Variants in PPM1L observed in about 807,000 individuals in gnomAD.
The protein encoded by PPM1L is protein phosphatase 1L.
A neutral mutation model predicts 31.4 loss-of-function variants in PPM1L; 13 were observed. The observed-to-expected ratio is 0.41, with a 90% CI of 0.27 to 0.66. PPM1L has a LOEUF of 0.66. PPM1L is among the 30% of genes least tolerant of loss of function. PPM1L has a pLI of 0.29. For synonymous variants in PPM1L, 184 were observed against 175.4 expected (o/e 1.05, Z -0.39); for missense variants, 326 against 453.7 (o/e 0.72, Z 2.56).
intron 1 of PPM1L, among the ~76,000 whole-genome samples, chr3:160,862,465 A>G (rs1248046883): frequency 3.3e-5 from 5 of 152,180 alleles, no homozygotes; most frequent in Non-Finnish European, 7.3e-5. Flanking sequence ...AGGAAAATCA[A>G]GGAGGTGCTG....
rs576855365 is a variant in PPM1L at position 161,012,488 on chromosome 3, TTG to T, written c.574+50582_574+50583del. Among the ~76,000 whole-genome samples the T allele has an allele frequency of 8.5e-4, 129 of 152,038 alleles. 2 individuals are homozygous for T. The South Asian group carries it at 0.024, about 28-fold the overall frequency. The stretch of plus-strand genomic sequence containing the variant: ...ATTGGTCTAAAATTCTCTTTTTTGG[TTG>T]TGTCTCTGCCCGGCTTTGGTATCAG... On this transcript the variant is annotated intron_variant, in intron 2 of 3. Transcript: ENST00000498165.
chr3:160,841,021 G>C (rs1265323931), intron 1 of PPM1L, among the ~76,000 whole-genome samples: 1 of 152,110 alleles, frequency 6.6e-6, no homozygotes, highest in Non-Finnish European at 1.5e-5. Context: ...CCTTAATCTA[G>C]TCAAGTTGAC....
At chr3:160,997,496 T>G (rs1472666070) in intron 2 of PPM1L, among the ~76,000 whole-genome samples, 2 of 152,174 alleles carry the variant, frequency 1.3e-5, no homozygotes, top group Non-Finnish European at 1.5e-5. Context: ...GAAACCAGAA[T>G]GGGAAACCAT....
chr3:161,065,801 TAAG>T (rs1301467160), intron 3 of PPM1L, among the ~76,000 whole-genome samples: 9 of 152,338 alleles, frequency 5.9e-5, no homozygotes, highest in Admixed American at 3.9e-4. Flanking sequence ...TAAAGGCTAA[TAAG>T]ATCTTTGGGC....
intron 2 of PPM1L, among the ~76,000 whole-genome samples, chr3:161,064,343 G>A (rs1336239965): frequency 6.6e-6 from 1 of 150,410 alleles, no homozygotes; most frequent in Non-Finnish European, 1.5e-5. Context: ...CCCTAGCCTA[G>A]ATGACAGAGC....
At chr3:160,977,623 T>A (rs1046591559) in intron 2 of PPM1L, among the ~76,000 whole-genome samples, 1 of 152,196 alleles carries the variant, frequency 6.6e-6, no homozygotes, top group African/African-American at 2.4e-5. Context: ...TATATTTTTA[T>A]TATTTATATC....
chr3:160,808,383 C>CTCTGTGTG lies in PPM1L; in HGVS notation c.399+51677_399+51678insCTGTGTGT, dbSNP rs1204425630. 2.1e-3 allele frequency among the ~76,000 whole-genome samples: 228 copies of CTCTGTGTG among 110,362 alleles called. 13 individuals are homozygous for CTCTGTGTG. The highest frequency in any genetic ancestry group is 7.1e-3 in the African/African-American group (199 of 28,026). The allele number at this position is 110,362 out of a possible 152,430, so 72.4% of individuals were successfully genotyped here. ...TAAGAGCTGCAGTGCCAGGATTTTC[C>CTCTGTGTG]TGTGTGTGTGTGTGTGTGTGTGTGT... On this transcript the variant is annotated intron_variant, in intron 1 of 3. Transcript: ENST00000498165.
chr3:160,972,166 C>A (rs1271777352), intron 2 of PPM1L, among the ~76,000 whole-genome samples: 4 of 152,080 alleles, frequency 2.6e-5, no homozygotes, highest in Non-Finnish European at 4.4e-5. Context: ...GCTTATGATT[C>A]CTCCAATGTA....
intron 1 of PPM1L, among the ~76,000 whole-genome samples, chr3:160,845,958 T>C (rs1476543178): frequency 3.9e-5 from 6 of 152,134 alleles, no homozygotes; most frequent in Admixed American, 2.6e-4. Flanking sequence ...AGTAGAAATA[T>C]TAAGAAACTA....
intron 1 of PPM1L, among the ~76,000 whole-genome samples, chr3:160,782,532 A>G (rs1711780019): frequency 6.6e-6 from 1 of 152,182 alleles, no homozygotes; most frequent in Non-Finnish European, 1.5e-5. Flanking sequence ...AAAGGTTTAG[A>G]TTTATTTGTT....
intron 1 of PPM1L, among the ~76,000 whole-genome samples, chr3:160,883,881 C>CAAAAAA (rs36011243): frequency 9.4e-6 from 1 of 106,374 alleles, no homozygotes. Context: ...CTTGTCTCTA[C>CAAAAAA]AAAAAAAAAA....
At chr3:160,968,976 A>G (rs1406428552) in intron 2 of PPM1L, among the ~76,000 whole-genome samples, 1 of 152,200 alleles carries the variant, frequency 6.6e-6, no homozygotes, top group Non-Finnish European at 1.5e-5. Flanking sequence ...TGCAATGTGG[A>G]AAATGCACTT....
At chr3:160,954,956 C>CTTCCTTTCCT (rs1553749481) in intron 1 of PPM1L, among the ~76,000 whole-genome samples, 9 of 77,422 alleles carry the variant, frequency 1.2e-4, no homozygotes, top group African/African-American at 5.1e-4. Flanking sequence ...TCCTTCCTTC[C>CTTCCTTTCCT]TTCCTTTCCT....
chr3:161,021,818 C>T (rs577562355), intron 2 of PPM1L, among the ~76,000 whole-genome samples: 2 of 151,780 alleles, frequency 1.3e-5, no homozygotes, highest in Non-Finnish European at 2.9e-5. Context: ...TTCTGATATT[C>T]GTAAAGCTAC....
chr3:160,980,749 A>AC (rs988927435), intron 2 of PPM1L, among the ~76,000 whole-genome samples: 6 of 148,572 alleles, frequency 4.0e-5, no homozygotes, highest in Non-Finnish European at 7.5e-5. Context: ...AGAGAAAGAA[A>AC]GAAAGAGAAG....
At chr3:160,776,761 T>C (rs905625195) in intron 1 of PPM1L, among the ~76,000 whole-genome samples, 1 of 151,896 alleles carries the variant, frequency 6.6e-6, no homozygotes, top group Admixed American at 6.6e-5. Context: ...CTACCACACC[T>C]GACTAATTTT....
intron 2 of PPM1L, among the ~76,000 whole-genome samples, chr3:161,008,013 C>T (rs963009360): frequency 6.6e-5 from 10 of 152,214 alleles, no homozygotes; most frequent in African/African-American, 2.4e-4. Flanking sequence ...TGACCTTTTC[C>T]TGCCCTCCTG....
chr3:160,876,186 A>G (rs980289789), intron 1 of PPM1L, among the ~76,000 whole-genome samples: 3 of 152,160 alleles, frequency 2.0e-5, no homozygotes, highest in Admixed American at 6.5e-5. Flanking sequence ...GATGACACCA[A>G]CTGTTGAGTG....
At chr3:161,010,199 G>T (rs563750861) in intron 2 of PPM1L, among the ~76,000 whole-genome samples, 1 of 151,048 alleles carries the variant, frequency 6.6e-6, no homozygotes, top group African/African-American at 2.4e-5. Flanking sequence ...TCCCCTTCCC[G>T]TGTCCAAGTG....
Sources: gnomAD v4.1 joint callset for allele counts (sites outside exome capture counted in the v4.1 genomes callset) on GRCh38, gnomAD v4.1.1 for gene constraint, MANE v1.5 for transcripts, NCBI Gene and HGNC (gene_info 2026-07-23, HGNC 2026-07-21) for gene names.